The following IFT56 variants were observed in gnomAD, a reference collection of about 807,000 sequenced individuals.
The protein encoded by IFT56 is intraflagellar transport 56.
At chr7:139,175,974 C>T in the IFT56 span, among the ~76,000 whole-genome samples, 2 of 151,892 alleles carry the variant, frequency 1.3e-5, no homozygotes, top group Admixed American at 6.6e-5. Flanking sequence ...GGACTACAGG[C>T]GCCCGCACCA....
At chr7:139,178,504 A>G in the IFT56 span, 1 of 1,611,060 alleles carries the variant, frequency 6.2e-7, no homozygotes, top group Non-Finnish European at 8.5e-7. Context: ...TGTTCTTGGG[A>G]TGTTTTTCAG....
chr7:139,152,134 T>A, the IFT56 span, among the ~76,000 whole-genome samples: 2 of 152,226 alleles, frequency 1.3e-5, no homozygotes, highest in African/African-American at 2.4e-5. Flanking sequence ...AAAATTTATC[T>A]ACTTATTTAT....
At chr7:139,173,820 T>C in the IFT56 span, 38 of 728,114 alleles carry the variant, frequency 5.2e-5, no homozygotes, top group East Asian at 9.5e-4. Flanking sequence ...ATAACAATCA[T>C]CCTTCTGCTG....
the IFT56 span, chr7:139,173,050 T>A: frequency 1.4e-6 from 1 of 734,446 alleles, no homozygotes; most frequent in Non-Finnish European, 2.5e-6. Context: ...CTGCAATGCT[T>A]CCAACTCAGC....
chr7:139,158,941 G>A, the IFT56 span, among the ~76,000 whole-genome samples: 13 of 151,986 alleles, frequency 8.6e-5, no homozygotes, highest in Admixed American at 2.6e-4. Context: ...AAAAATCAAC[G>A]TTATACCAGA....
At chr7:139,163,141 G>A in the IFT56 span, among the ~76,000 whole-genome samples, 2 of 151,950 alleles carry the variant, frequency 1.3e-5, no homozygotes, top group South Asian at 2.1e-4. Flanking sequence ...TCAGGAGATC[G>A]AGACCATCCT....
At chr7:139,162,958 CAAA>C in the IFT56 span, among the ~76,000 whole-genome samples, 1 of 91,032 alleles carries the variant, frequency 1.1e-5, no homozygotes. Context: ...GACTCCATCT[CAAA>C]AAAAAAAAAA....
the IFT56 span, among the ~76,000 whole-genome samples, chr7:139,180,261 C>T: frequency 6.6e-6 from 1 of 152,064 alleles, no homozygotes; most frequent in Non-Finnish European, 1.5e-5. Flanking sequence ...GGCGTGAACC[C>T]GGGAGGCGGA....
At chr7:139,180,739 T>G in the IFT56 span, among the ~76,000 whole-genome samples, 1 of 152,112 alleles carries the variant, frequency 6.6e-6, no homozygotes, top group Non-Finnish European at 1.5e-5. Flanking sequence ...TTTACTGAAT[T>G]TTTGTAGTCA....
At chr7:139,176,208 G>A in the IFT56 span, among the ~76,000 whole-genome samples, 1 of 151,698 alleles carries the variant, frequency 6.6e-6, no homozygotes, top group Admixed American at 6.6e-5. Context: ...GAGTATAATT[G>A]GATTGTTTGT....
the IFT56 span, chr7:139,161,068 T>C: frequency 6.6e-7 from 1 of 1,522,890 alleles, no homozygotes; most frequent in South Asian, 1.2e-5. Flanking sequence ...CCTACTCTGC[T>C]TTGGTACATC....
At chr7:139,179,994 G>C in the IFT56 span, among the ~76,000 whole-genome samples, 1 of 152,162 alleles carries the variant, frequency 6.6e-6, no homozygotes, top group Non-Finnish European at 1.5e-5. Context: ...TTCACTATGG[G>C]TCAAGTCTGA....
chr7:139,147,499 T>C, the IFT56 span, among the ~76,000 whole-genome samples: 1 of 152,158 alleles, frequency 6.6e-6, no homozygotes, highest in Non-Finnish European at 1.5e-5. Context: ...AAAGACTTTT[T>C]CCCCCAATTG....
At chr7:139,161,082 G>A in the IFT56 span, 2 of 1,437,300 alleles carry the variant, frequency 1.4e-6, no homozygotes, top group Non-Finnish European at 1.9e-6. Flanking sequence ...GTACATCACA[G>A]CAATTAGAAA....
chr7:139,180,733 C>T, the IFT56 span, among the ~76,000 whole-genome samples: 1 of 151,896 alleles, frequency 6.6e-6, no homozygotes, highest in South Asian at 2.1e-4. Flanking sequence ...TAAATGTTTA[C>T]TGAATTTTTG....
the IFT56 span, among the ~76,000 whole-genome samples, chr7:139,159,540 C>A: frequency 6.6e-6 from 1 of 152,166 alleles, no homozygotes; most frequent in Non-Finnish European, 1.5e-5. Context: ...AAGGGTCTTT[C>A]ACTAGACTTC....
the IFT56 span, among the ~76,000 whole-genome samples, chr7:139,162,504 T>C: frequency 6.6e-6 from 1 of 152,104 alleles, no homozygotes; most frequent in Non-Finnish European, 1.5e-5. Flanking sequence ...TTTTTAAACC[T>C]GAAAAATATC....
the IFT56 span, among the ~76,000 whole-genome samples, chr7:139,137,675 T>A: frequency 6.6e-6 from 1 of 152,372 alleles, no homozygotes; most frequent in Non-Finnish European, 1.5e-5. Flanking sequence ...TAAATTTCTG[T>A]GACAATTAGA....
chr7:139,134,603 T>C, the IFT56 span: 1 of 1,543,540 alleles, frequency 6.5e-7, no homozygotes, highest in South Asian at 1.3e-5. Context: ...ACTCTCAGTT[T>C]AAATCTGATA....
Sources: allele counts gnomAD v4.1 joint callset (sites outside exome capture counted in the v4.1 genomes callset), GRCh38; gene constraint gnomAD v4.1.1; transcripts MANE v1.5; gene names NCBI Gene and HGNC (gene_info 2026-07-23, HGNC 2026-07-21).